The following NEXN variants were observed in gnomAD, a reference collection of about 807,000 sequenced individuals.
NEXN encodes nexilin F-actin binding protein.
In NEXN, 65 loss-of-function variants were observed where a neutral mutation model predicts 92.6. The observed-to-expected ratio is 0.70, with a 90% CI of 0.57 to 0.86. The LOEUF is 0.86. Among genes scored for constraint, NEXN ranks in the 40% least tolerant of loss-of-function variants. NEXN has a pLI of 0.00. For missense variants in NEXN, 778 were observed against 771.1 expected (o/e 1.01, Z -0.11); for synonymous variants, 254 against 242.5 (o/e 1.05, Z -0.44).
intron 11 of NEXN, among the ~76,000 whole-genome samples, chr1:77,938,277 T>A (rs1025554723): frequency 2.0e-5 from 3 of 152,220 alleles, no homozygotes; most frequent in Non-Finnish European, 4.4e-5. Context: ...TTTTTTAACA[T>A]CTACAAAATG....
intron 5 of NEXN, among the ~76,000 whole-genome samples, chr1:77,918,481 A>G (rs769397204): frequency 6.6e-5 from 10 of 152,022 alleles, no homozygotes; most frequent in African/African-American, 1.7e-4. Flanking sequence ...CCCGGGCAAC[A>G]TGGCAAAATC....
At chr1:77,918,088 T>C in intron 4 of NEXN, 37 bp from the exon 5 acceptor site, 4 of 1,612,774 alleles carry the variant, frequency 2.5e-6, no homozygotes, top group Non-Finnish European at 3.4e-6. Flanking sequence ...AATAGAAACA[T>C]AACCAAGTAT....
intron 1 of NEXN, among the ~76,000 whole-genome samples, chr1:77,899,648 A>G (rs985726749): frequency 6.6e-5 from 10 of 150,750 alleles, no homozygotes; most frequent in African/African-American, 1.9e-4. Context: ...AACTTAAAAT[A>G]TAATAATAAT....
intron 1 of NEXN, among the ~76,000 whole-genome samples, chr1:77,908,305 G>C (rs933069258): frequency 6.8e-4 from 103 of 151,994 alleles, no homozygotes; most frequent in African/African-American, 2.5e-3. Context: ...CAAACTCTGG[G>C]CTCAAGCGAT....
chr1:77,930,312 C>G (rs1264816034), intron 9 of NEXN, among the ~76,000 whole-genome samples: 1 of 152,162 alleles, frequency 6.6e-6, no homozygotes, highest in Non-Finnish European at 1.5e-5. Context: ...TGCCTGATGT[C>G]CAACCAGTCA....
At chr1:77,941,427 A>G (rs897674991) in intron 11 of NEXN, among the ~76,000 whole-genome samples, 2 of 151,930 alleles carry the variant, frequency 1.3e-5, no homozygotes, top group African/African-American at 4.8e-5. Flanking sequence ...CGCCCTTCCA[A>G]TTCACCCCTC....
At chr1:77,939,933 G>GTGT (rs1651115970) in intron 11 of NEXN, among the ~76,000 whole-genome samples, 1 of 152,128 alleles carries the variant, frequency 6.6e-6, no homozygotes, top group Non-Finnish European at 1.5e-5. Context: ...AATTAGCCGG[G>GTGT]CGTGGTGGCA....
chr1:77,895,570 T>C (rs1463746955), intron 1 of NEXN, among the ~76,000 whole-genome samples: 1 of 152,194 alleles, frequency 6.6e-6, no homozygotes, highest in Non-Finnish European at 1.5e-5. Flanking sequence ...GTTTAAAATC[T>C]TCTTAAAAGT....
In NEXN at chr1:77,942,657, G is replaced by A. The variant is rs1332021360; in HGVS notation, c.1856G>A (p.Gly619Glu). The change falls in exon 13 of 13, where the codon GGA becomes GAA. Residue 619 changes from glycine to glutamate, a missense_variant. Transcript: ENST00000334785. ...CCAGAAATTACATGGTGGTTTGAAG[G>A]AGAAATACTGCAGGATGGAGAAGAC... ...PKPEITWWFE[G>E]EILQDGEDYQ... 1.9e-6 allele frequency: 3 copies of A among 1,613,778 alleles called. No homozygotes were observed. The highest frequency in any genetic ancestry group is 2.5e-6 in the Non-Finnish European group (3 of 1,179,760).
chr1:77,913,939 G>A (rs1175485052), intron 1 of NEXN, among the ~76,000 whole-genome samples: 1 of 152,172 alleles, frequency 6.6e-6, no homozygotes, highest in Non-Finnish European at 1.5e-5. Context: ...GAAAAACATA[G>A]AGGAAACTGA....
intron 5 of NEXN, among the ~76,000 whole-genome samples, chr1:77,923,681 T>C (rs979568950): frequency 2.0e-3 from 9 of 4,542 alleles, no homozygotes; most frequent in Non-Finnish European, 4.1e-3. Flanking sequence ...TGAGCTCTCT[T>C]TTTTTTTTTT....
chr1:77,897,899 T>G (rs1647362481), intron 1 of NEXN, among the ~76,000 whole-genome samples: 1 of 151,890 alleles, frequency 6.6e-6, no homozygotes, highest in African/African-American at 2.4e-5. Flanking sequence ...ATGAGTGAAC[T>G]CCCATTCACA....
chr1:77,917,417 A>G, intron 2 of NEXN, 149 bp from the exon 3 acceptor site: 1 of 620,072 alleles, frequency 1.6e-6, no homozygotes, highest in South Asian at 2.1e-5. Flanking sequence ...GTATCTAATC[A>G]GGTTGTGATG....
chr1:77,904,821 G>A (rs189751637), intron 1 of NEXN, among the ~76,000 whole-genome samples: 11 of 152,286 alleles, frequency 7.2e-5, no homozygotes, highest in Admixed American at 7.2e-4. Context: ...AGCAAATCAG[G>A]CTGGACCACT....
chr1:77,892,741 G>T (rs930233423), intron 1 of NEXN, among the ~76,000 whole-genome samples: 28 of 152,100 alleles, frequency 1.8e-4, no homozygotes, highest in Admixed American at 1.2e-3. Context: ...TGTTAGTGTC[G>T]ATTAGAGCTG....
At position 77,926,468 on chromosome 1, in the gene NEXN, T is replaced by G. The variant is rs1333566179; in HGVS notation, c.544T>G (p.Ser182Ala). ...GGTACCTGTCAAATCATATAAAACA[T>G]CTGGAAAAATGAAAAAGAATTTTGA... ...TVVPVKSYKTSGKMKKNFEDL... is the reference protein window; with the variant it reads ...TVVPVKSYKTAGKMKKNFEDL... The change falls in exon 7 of 13, where the codon TCT becomes GCT. Residue 182 changes from serine (S) to alanine (A), a missense_variant. Around this residue, in one of 3 missense-constraint regions of NEXN, gnomAD observed 236 missense variants for 265.6 expected, o/e 0.89. Transcript: ENST00000334785. 1 of 1,609,442 alleles carries G rather than the reference T, an allele frequency of 6.2e-7. No homozygotes were observed. Among genetic ancestry groups the G allele is most frequent in the East Asian group, 2.2e-5 (1 of 44,728 alleles).
intron 11 of NEXN, among the ~76,000 whole-genome samples, chr1:77,941,367 C>T (rs1651291624): frequency 6.6e-6 from 1 of 152,144 alleles, no homozygotes; most frequent in Non-Finnish European, 1.5e-5. Context: ...CCTAGACACA[C>T]TATTTGACAG....
intron 1 of NEXN, among the ~76,000 whole-genome samples, chr1:77,889,950 CA>C (rs1236787665): frequency 1.3e-5 from 2 of 152,148 alleles, no homozygotes; most frequent in Admixed American, 6.5e-5. Context: ...ATCTTAGTCA[CA>C]CGTTATTGAG....
intron 10 of NEXN, among the ~76,000 whole-genome samples, chr1:77,934,014 T>TTTTTTAA (rs1553240207): frequency 7.1e-6 from 1 of 140,536 alleles, no homozygotes; most frequent in Non-Finnish European, 1.5e-5. Flanking sequence ...ATTTTTAATT[T>TTTTTTAA]TTTTTTTTTT....
Sources: gnomAD v4.1 joint callset for allele counts (sites outside exome capture counted in the v4.1 genomes callset) on GRCh38, gnomAD v4.1.1 for gene constraint, gnomAD v4.1.1 regional missense constraint, MANE v1.5 for transcripts, NCBI Gene and HGNC (gene_info 2026-07-23, HGNC 2026-07-21) for gene names.